The following CELF2 variants were observed in gnomAD, a reference collection of about 807,000 sequenced individuals.
CELF2 encodes CUG triplet repeat RNA-binding protein 2.
In CELF2, 8 loss-of-function variants were observed where a neutral mutation model predicts 62.6. The observed-to-expected ratio is 0.13, with a 90% CI of 0.07 to 0.23. The LOEUF (loss-of-function observed/expected upper bound fraction) is 0.23. Among genes scored for constraint, CELF2 ranks in the 10% least tolerant of loss-of-function variants. The pLI is 1.00. For synonymous variants in CELF2, 258 were observed against 250.0 expected (o/e 1.03, Z -0.30); for missense variants, 333 against 671.0 (o/e 0.50, Z 5.56).
the CELF2 span, among the ~76,000 whole-genome samples, chr10:10,494,709 C>T: frequency 3.5e-3 from 534 of 152,272 alleles, 4 homozygotes; most frequent in African/African-American, 0.012. Flanking sequence ...CTGTGTTCAT[C>T]ATTGTACCTG....
chr10:10,670,555 G>A, the CELF2 span, among the ~76,000 whole-genome samples: 1 of 152,112 alleles, frequency 6.6e-6, no homozygotes. Context: ...TCCCCAACCA[G>A]AGTGGGGCAT....
At chr10:10,637,794 G>A in the CELF2 span, among the ~76,000 whole-genome samples, 1 of 152,218 alleles carries the variant, frequency 6.6e-6, no homozygotes, top group East Asian at 1.9e-4. Context: ...TGTCAGCCCC[G>A]TTTGGTCCTT....
At chr10:10,547,692 A>AGTGT in the CELF2 span, among the ~76,000 whole-genome samples, 3,011 of 138,048 alleles carry the variant, frequency 0.022, 105 homozygotes, top group African/African-American at 0.067. Flanking sequence ...AGAGAGAGAG[A>AGTGT]GTGTGTGTGT....
At position 11,270,710 on chromosome 10, in the gene CELF2, G is replaced by A; in HGVS notation, c.663G>A (p.Lys221=). The stretch of plus-strand genomic sequence containing the variant: ...TGGTGAAGTTTGCTGACACTCAGAA[G>A]GACAAAGAGCAAAGGCGCCTCCAGC... ...PIVVKFADTQ[K]DKEQRRLQQQ... Residue 221 remains lysine, a synonymous_variant, in exon 7 of 13, where the codon AAG becomes AAA. Coordinates refer to ENST00000633077, the MANE Select transcript of CELF2 (RefSeq NM_001326342.2). The surrounding 1 kb of genome is among the most constrained non-coding windows in gnomAD (Gnocchi z 5.8). The A allele has an allele frequency of 1.3e-6, 2 of 1,557,818 alleles. No individual in the cohort carries two copies. Among genetic ancestry groups the A allele is most frequent in the Admixed American group, 1.8e-5 (1 of 54,276 alleles).
intron 1 of CELF2, among the ~76,000 whole-genome samples, chr10:11,072,985 T>G (rs1158867385): frequency 6.6e-6 from 1 of 151,900 alleles, no homozygotes; most frequent in East Asian, 1.9e-4. Flanking sequence ...ACATTATATA[T>G]TATAAGTTAT....
chr10:10,626,177 G>A, the CELF2 span, among the ~76,000 whole-genome samples: 16 of 152,088 alleles, frequency 1.1e-4, no homozygotes, highest in African/African-American at 3.9e-4. Flanking sequence ...ATCCAAGGGT[G>A]AAGTACATTC....
the CELF2 span, among the ~76,000 whole-genome samples, chr10:10,481,147 G>T: frequency 6.6e-6 from 1 of 152,102 alleles, no homozygotes; most frequent in Admixed American, 6.5e-5. Context: ...TTCTTATTTA[G>T]TCTAAATAAT....
At chr10:11,048,820 T>G (rs944831844) in intron 1 of CELF2, among the ~76,000 whole-genome samples, 1 of 152,250 alleles carries the variant, frequency 6.6e-6, no homozygotes, top group South Asian at 2.1e-4. Flanking sequence ...GGTTAAAAAC[T>G]CCAAAGTGTG....
chr10:10,684,270 G>C, the CELF2 span, among the ~76,000 whole-genome samples: 1 of 152,112 alleles, frequency 6.6e-6, no homozygotes, highest in African/African-American at 2.4e-5. Context: ...CTATCAGTGT[G>C]CAAGTTGATA....
intron 2 of CELF2, among the ~76,000 whole-genome samples, chr10:10,976,208 T>C (rs758245758): frequency 1.3e-5 from 2 of 152,172 alleles, no homozygotes; most frequent in Non-Finnish European, 2.9e-5. Context: ...GTCAGCAGGG[T>C]TGTGACCAGA....
At chr10:10,463,769 G>A in the CELF2 span, among the ~76,000 whole-genome samples, 1 of 152,050 alleles carries the variant, frequency 6.6e-6, no homozygotes, top group African/African-American at 2.4e-5. Context: ...TTGGTTGTTT[G>A]TTTCCTTTAA....
rs2096049716 is a variant in CELF2, at chr10:11,332,617, T to G, written c.*3564T>G. ...CCTACAGCCCCAACACAAGCTCCAG[T>G]CTTCCTCTTCGGCATGCCCTGGAAG... On this transcript the variant is annotated 3_prime_UTR_variant, in exon 13 of 13. Transcript: ENST00000633077. 1.3e-5 allele frequency: 2 copies of G among 152,758 alleles called. No homozygotes were observed. Among genetic ancestry groups the G allele is most frequent in the Non-Finnish European group, 2.9e-5 (2 of 68,120 alleles). The allele number at this position is 152,758 out of a possible 1,614,324, so 9.5% of individuals were successfully genotyped here.
chr10:11,018,071 G>T lies in CELF2; in HGVS notation c.-19G>T. On this transcript the variant is annotated 5_prime_UTR_variant, in exon 1 of 13. Transcript: ENST00000633077. ...CGCAGAGCCGCCCCCCGCCGCTGCC[G>T]CCGCGTGCGCCCGCGAACATGACTT... 7.0e-7 allele frequency: 1 copy of T among 1,438,752 alleles called. No individual in the cohort carries two copies. The highest frequency in any genetic ancestry group is 9.3e-7 in the Non-Finnish European group (1 of 1,080,202). 89.1% of individuals were successfully genotyped at this position (1,438,752 alleles called of 1,614,324 possible). A position where few individuals can be genotyped will look rare whatever the true frequency, so the allele number is the denominator to read the frequency against.
Position 10,947,076 on chromosome 10 carries a change from T to A in CELF2, c.89+27077T>A, listed in dbSNP as rs1221275164. Reference sequence around the variant, plus strand: ...TTCCATTGCATAGGCATCTTTAGAATGTGCAGTGCATGTCACAGGCAGGTC... The same window carrying A: ...TTCCATTGCATAGGCATCTTTAGAAAGTGCAGTGCATGTCACAGGCAGGTC... On this transcript the variant is annotated intron_variant, in intron 2 of 13. Transcript: ENST00000636488. This position sits in a 1 kb window ranked among gnomAD's most constrained non-coding sequence, Gnocchi z 4.1. 1.3e-5 allele frequency: 2 copies of A among 152,252 alleles called. No homozygotes were observed. The highest frequency in any genetic ancestry group is 3.8e-4 in the East Asian group (2 of 5,202). The allele number at this position is 152,252 out of a possible 1,614,324, so 9.4% of individuals were successfully genotyped here.
chr10:11,114,643 A>C (rs573949164), intron 1 of CELF2, among the ~76,000 whole-genome samples: 15 of 152,318 alleles, frequency 9.8e-5, no homozygotes, highest in Admixed American at 3.3e-4. Flanking sequence ...TGAATTTGAG[A>C]ATGAAAGGGT....
intron 10 of CELF2, 191 bp from the exon 11 acceptor site, chr10:11,320,998 C>A: frequency 7.1e-7 from 1 of 1,414,640 alleles, no homozygotes; most frequent in Non-Finnish European, 9.6e-7. Context: ...GTTCTCATGG[C>A]TTAGGTCATT....
chr10:10,818,285 T>G (rs2056657800), intron 1 of CELF2, among the ~76,000 whole-genome samples: 1 of 152,178 alleles, frequency 6.6e-6, no homozygotes, highest in African/African-American at 2.4e-5. Context: ...GTGGCCAGCA[T>G]GAGTGTATCA....
chr10:11,310,178 A>G (rs987881458), intron 9 of CELF2, among the ~76,000 whole-genome samples: 2 of 152,210 alleles, frequency 1.3e-5, no homozygotes, highest in Admixed American at 6.5e-5. Context: ...TTGGTCTAGA[A>G]TAGAGCTTCT....
chr10:10,636,618 C>T, the CELF2 span, among the ~76,000 whole-genome samples: 87 of 152,286 alleles, frequency 5.7e-4, no homozygotes, highest in Non-Finnish European at 9.6e-4. Context: ...ACATAGAATT[C>T]GTATCCAAGT....
Sources: gnomAD v4.1 joint callset for allele counts (sites outside exome capture counted in the v4.1 genomes callset) on GRCh38, gnomAD v4.1.1 for gene constraint, Gnocchi (gnomAD v3.1) non-coding constraint, MANE v1.5 for transcripts, NCBI Gene and HGNC (gene_info 2026-07-23, HGNC 2026-07-21) for gene names.